UQCC1: variants seen among roughly 807,000 people sequenced by gnomAD.
UQCC1 encodes ubiquinol-cytochrome c reductase complex assembly factor 1.
A neutral mutation model predicts 48.0 loss-of-function variants in UQCC1; 38 were observed. The ratio of observed to expected loss-of-function variants is 0.79; its 90% CI spans 0.61 to 1.04. The LOEUF (loss-of-function observed/expected upper bound fraction) is 1.04. Ranked by LOEUF, UQCC1 falls within the 50% of genes least tolerant of loss-of-function variation. The probability of loss-of-function intolerance (pLI) is 0.00; values close to 1 mark genes in which losing one functional copy is unlikely to be tolerated. For missense variants in UQCC1, 368 were observed against 381.8 expected (o/e 0.96, Z 0.30); for synonymous variants, 111 against 129.2 (o/e 0.86, Z 0.95).
intron 6 of UQCC1, among the ~76,000 whole-genome samples, 154 bp from the exon 7 acceptor site, chr20:35,347,426 T>C (rs903825006): frequency 2.0e-5 from 3 of 151,900 alleles, no homozygotes; most frequent in African/African-American, 2.4e-5. Context: ...TACTGAGATA[T>C]AACAAAGATA....
At chr20:35,309,254 G>T (rs764455576) in intron 8 of UQCC1, 1 of 437,602 alleles carries the variant, frequency 2.3e-6, no homozygotes, top group African/African-American at 2.0e-5. Context: ...ACAACATGGC[G>T]AAACTGTTTC....
chr20:35,411,653 T>G (rs1215138990), intron 1 of UQCC1, among the ~76,000 whole-genome samples: 1 of 151,896 alleles, frequency 6.6e-6, no homozygotes, highest in East Asian at 1.9e-4. Flanking sequence ...TACATGCTCC[T>G]CTCCCTGAGG....
chr20:35,310,990 GC>G (rs146913422), intron 8 of UQCC1, among the ~76,000 whole-genome samples: 1,758 of 151,420 alleles, frequency 0.012, 37 homozygotes, highest in African/African-American at 0.039. Flanking sequence ...GAGCCACTGT[GC>G]CTGGCCAGCT....
intron 1 of UQCC1, among the ~76,000 whole-genome samples, chr20:35,402,380 C>T (rs1417833037): frequency 6.6e-6 from 1 of 151,926 alleles, no homozygotes; most frequent in Admixed American, 6.6e-5. Context: ...AGATTGAAAC[C>T]ATCCTGGCTA....
At chr20:35,309,290 G>C in intron 8 of UQCC1, 1 of 416,000 alleles carries the variant, frequency 2.4e-6, no homozygotes, top group Non-Finnish European at 4.9e-6. Context: ...AAATTAGCCA[G>C]GCATGGTGGC....
Position 35,313,547 on chromosome 20 carries a change from C to T in UQCC1, c.651+1141G>A, listed in dbSNP as rs1461189084. On this transcript the variant is annotated intron_variant, in intron 8 of 9. Coordinates refer to ENST00000374385, the MANE Select transcript of UQCC1 (RefSeq NM_018244.5). ...AAGGTGCTTGTCTATGCACAGACAA[C>T]ATTCGGAAGGACATCCAATAAACTA... Among the ~76,000 whole-genome samples the T allele has an allele frequency of 2.0e-5, 3 of 152,118 alleles. No individual in the cohort carries two copies. In the East Asian group the frequency reaches 5.8e-4, roughly 29 times the overall value.
intron 1 of UQCC1, among the ~76,000 whole-genome samples, chr20:35,402,608 C>CA (rs1322804399): frequency 1.6e-5 from 2 of 126,630 alleles, no homozygotes; most frequent in African/African-American, 6.9e-5. Flanking sequence ...AACAAACAAA[C>CA]AAACAAAATA....
chr20:35,366,546 T>C lies in UQCC1; in HGVS notation c.464+11A>G. 1 of 1,613,076 alleles carries C rather than the reference T, an allele frequency of 6.2e-7. No homozygotes were observed. On this transcript the variant is annotated intron_variant, in intron 6 of 9. Coordinates refer to ENST00000374385, the MANE Select transcript of UQCC1 (RefSeq NM_018244.5). ...ATACATTTGGTGACTTCATTTAAATTGCTCACTTACCAGACGTGGAGTAGG... is the reference window on the plus strand; with the variant it reads ...ATACATTTGGTGACTTCATTTAAATCGCTCACTTACCAGACGTGGAGTAGG...
chr20:35,383,352 TG>T (rs1214665731), intron 3 of UQCC1, among the ~76,000 whole-genome samples: 1 of 152,244 alleles, frequency 6.6e-6, no homozygotes. Context: ...TCCTCTTAAG[TG>T]TTTTCCAGAC....
At chr20:35,407,320 T>C (rs1331410294) in intron 1 of UQCC1, among the ~76,000 whole-genome samples, 1 of 151,426 alleles carries the variant, frequency 6.6e-6, no homozygotes, top group Non-Finnish European at 1.5e-5. Flanking sequence ...CCCAGCTACT[T>C]GGGAGGGTGA....
chr20:35,321,096 TTG>T (rs1405763044), intron 7 of UQCC1, among the ~76,000 whole-genome samples: 2 of 151,554 alleles, frequency 1.3e-5, no homozygotes, highest in Admixed American at 1.3e-4. Context: ...GTGGAATATT[TTG>T]TGAGATACTT....
intron 1 of UQCC1, among the ~76,000 whole-genome samples, chr20:35,402,198 T>C (rs1226816788): frequency 6.6e-6 from 1 of 152,030 alleles, no homozygotes; most frequent in Non-Finnish European, 1.5e-5. Context: ...ATCCCAACAC[T>C]TTGTGAGGCT....
chr20:35,391,413 G>A (rs1276465962), intron 2 of UQCC1, among the ~76,000 whole-genome samples: 3 of 152,120 alleles, frequency 2.0e-5, no homozygotes, highest in Non-Finnish European at 4.4e-5. Flanking sequence ...CTTGAGGTCA[G>A]GAGTTTGAGA....
chr20:35,367,472 C>T (rs2146443586), intron 5 of UQCC1, among the ~76,000 whole-genome samples: 1 of 152,098 alleles, frequency 6.6e-6, no homozygotes, highest in East Asian at 1.9e-4. Context: ...AAAGAAATGA[C>T]CAGGAGCTGG....
intron 5 of UQCC1, among the ~76,000 whole-genome samples, chr20:35,370,867 G>C (rs1404347756): frequency 6.6e-6 from 1 of 152,166 alleles, no homozygotes; most frequent in Non-Finnish European, 1.5e-5. Flanking sequence ...TGTTATAGTG[G>C]AGAAATCCCT....
chr20:35,408,127 T>A (rs983879229), intron 1 of UQCC1, among the ~76,000 whole-genome samples: 1 of 152,126 alleles, frequency 6.6e-6, no homozygotes, highest in Non-Finnish European at 1.5e-5. Context: ...GAATGGCAAT[T>A]GTCAAAAAAC....
chr20:35,347,064 C>T, intron 7 of UQCC1, 100 bp downstream of exon 7: 1 of 1,612,966 alleles, frequency 6.2e-7, no homozygotes, highest in Non-Finnish European at 8.5e-7. Context: ...CAGCATTTCA[C>T]AGAAATCTAA....
chr20:35,320,907 A>C (rs2061116710), intron 7 of UQCC1, among the ~76,000 whole-genome samples: 1 of 152,224 alleles, frequency 6.6e-6, no homozygotes, highest in Non-Finnish European at 1.5e-5. Flanking sequence ...ATTCATCATA[A>C]GGCAACAATG....
chr20:35,374,848 A>T (rs1486112666), intron 4 of UQCC1, among the ~76,000 whole-genome samples: 1 of 152,148 alleles, frequency 6.6e-6, no homozygotes, highest in Non-Finnish European at 1.5e-5. Context: ...TTCCCAAAGC[A>T]CTAGGAATTC....
Sources: gnomAD v4.1 joint callset for allele counts (sites outside exome capture counted in the v4.1 genomes callset) on GRCh38, gnomAD v4.1.1 for gene constraint, MANE v1.5 for transcripts, NCBI Gene and HGNC (gene_info 2026-07-23, HGNC 2026-07-21) for gene names.